Variants in EYS observed in about 807,000 individuals in gnomAD.
EYS encodes the protein protein eyes shut homolog.
In EYS, 250 loss-of-function variants were observed where a neutral mutation model predicts 282.1. The ratio of observed to expected loss-of-function variants is 0.89; its 90% CI spans 0.80 to 0.98. The LOEUF is 0.98. EYS is among the 50% of genes least tolerant of loss of function. The pLI is 0.00. For synonymous variants in EYS, 1,355 were observed against 1,282.9 expected (o/e 1.06, Z -1.20); for missense variants, 4,016 against 3,709.0 (o/e 1.08, Z -2.15).
chr6:63,779,484 A>G (rs1770154276), intron 39 of EYS: 1 of 151,702 alleles, frequency 6.6e-6, no homozygotes, highest in South Asian at 2.1e-4. Flanking sequence ...AACAAAAATA[A>G]CTTTTCTACC....
chr6:64,279,259 T>G (rs1057084842), intron 30 of EYS, among the ~76,000 whole-genome samples: 1 of 152,170 alleles, frequency 6.6e-6, no homozygotes, highest in South Asian at 2.1e-4. Context: ...CTGTTTTTAC[T>G]CAGCAAAAAG....
At chr6:65,408,004 G>T (rs1357581656) in intron 5 of EYS, among the ~76,000 whole-genome samples, 9 of 151,902 alleles carry the variant, frequency 5.9e-5, no homozygotes. Context: ...ATGAATAGGT[G>T]TTAGATTTTG....
At chr6:64,290,765 T>C (rs940705323) in intron 30 of EYS, among the ~76,000 whole-genome samples, 39 of 151,778 alleles carry the variant, frequency 2.6e-4, no homozygotes, top group Non-Finnish European at 5.0e-4. Flanking sequence ...AATTTATTTC[T>C]CTTCATACTT....
intron 26 of EYS, among the ~76,000 whole-genome samples, chr6:64,549,886 C>G (rs1360110040): frequency 6.6e-6 from 1 of 152,184 alleles, no homozygotes; most frequent in East Asian, 1.9e-4. Flanking sequence ...TCCCTCCCTC[C>G]TCCCCCTACC....
At chr6:65,494,017 A>G (rs536845721) in intron 4 of EYS, among the ~76,000 whole-genome samples, 2 of 152,186 alleles carry the variant, frequency 1.3e-5, no homozygotes, top group Non-Finnish European at 2.9e-5. Flanking sequence ...TTGGGAATTC[A>G]TTCAGTGACT....
chr6:65,589,887 A>G (rs185000085), intron 2 of EYS, among the ~76,000 whole-genome samples: 1 of 152,026 alleles, frequency 6.6e-6, no homozygotes, highest in Non-Finnish European at 1.5e-5. Flanking sequence ...TTAATGTGTT[A>G]CTTCTGAAAT....
Position 65,308,045 on chromosome 6 carries a change from T to C in EYS, c.1767-11926A>G, listed in dbSNP as rs1248307164. 5.7e-5 allele frequency among the ~76,000 whole-genome samples: 8 copies of C among 141,490 alleles called. No individual in the cohort carries two copies. In the East Asian group the frequency reaches 1.7e-3, roughly 30 times the overall value. 92.8% of individuals were successfully genotyped at this position (141,490 alleles called of 152,430 possible). On this transcript the variant is annotated intron_variant, in intron 11 of 42. Transcript: ENST00000503581. ...TGGAGTGCAGTGGTGTGATCTCAGC[T>C]CACTGCAGCCTCCACCTCCCGGGTT... is the stretch of plus-strand genomic sequence containing the variant.
chr6:64,472,111 AC>A (rs781337761), intron 26 of EYS, among the ~76,000 whole-genome samples: 1 of 152,226 alleles, frequency 6.6e-6, no homozygotes, highest in Non-Finnish European at 1.5e-5. Flanking sequence ...GGATTACTAC[AC>A]AAAAATGTAC....
chr6:64,928,255 T>C (rs972119758), intron 15 of EYS, among the ~76,000 whole-genome samples: 4 of 151,992 alleles, frequency 2.6e-5, no homozygotes, highest in Admixed American at 6.6e-5. Flanking sequence ...CTTAATTATA[T>C]CATTTTTTTA....
chr6:64,295,511 AAAGAAGAAAGAAGAAAG>A (rs1384501493), intron 30 of EYS, among the ~76,000 whole-genome samples: 8 of 28,786 alleles, frequency 2.8e-4, no homozygotes, highest in African/African-American at 1.4e-3. Context: ...AAGAAAGAAG[AAAGAAGAAAGAAGAAAG>A]AAGAAGAAAG....
At chr6:65,042,766 TC>T (rs768421115) in intron 13 of EYS, among the ~76,000 whole-genome samples, 3 of 151,584 alleles carry the variant, frequency 2.0e-5, no homozygotes, top group East Asian at 1.9e-4. Context: ...TTCAAAGACT[TC>T]ATGTCTTTCT....
chr6:64,430,536 G>GCAC (rs1774542691), intron 28 of EYS, among the ~76,000 whole-genome samples: 1 of 152,086 alleles, frequency 6.6e-6, no homozygotes, highest in African/African-American at 2.4e-5. Flanking sequence ...AGAAATATGA[G>GCAC]CACTTTGGTT....
At chr6:64,521,661 G>T (rs1777741914) in intron 26 of EYS, among the ~76,000 whole-genome samples, 1 of 151,734 alleles carries the variant, frequency 6.6e-6, no homozygotes, top group African/African-American at 2.4e-5. Flanking sequence ...CTTGAAAAGG[G>T]TGACAATGAT....
chr6:65,062,849 C>A (rs1773619179), intron 12 of EYS, among the ~76,000 whole-genome samples: 2 of 151,906 alleles, frequency 1.3e-5, no homozygotes, highest in African/African-American at 4.8e-5. Flanking sequence ...TTTTACTTTG[C>A]TTTATAAAAC....
At chr6:65,062,174 A>C (rs1226173621) in intron 12 of EYS, among the ~76,000 whole-genome samples, 1 of 151,950 alleles carries the variant, frequency 6.6e-6, no homozygotes, top group Non-Finnish European at 1.5e-5. Flanking sequence ...GCCTAATTAA[A>C]TATTAGTTGA....
At chr6:65,301,117 G>A (rs139744744) in intron 11 of EYS, among the ~76,000 whole-genome samples, 1 of 152,280 alleles carries the variant, frequency 6.6e-6, no homozygotes, top group African/African-American at 2.4e-5. Context: ...TACCAACTTA[G>A]TTTGGTGGTT....
At chr6:65,598,067 T>A (rs1295315938) in intron 2 of EYS, among the ~76,000 whole-genome samples, 1 of 151,902 alleles carries the variant, frequency 6.6e-6, no homozygotes, top group Non-Finnish European at 1.5e-5. Flanking sequence ...GCCACTGCAC[T>A]CTAAACCTGG....
At chr6:65,442,309 T>C (rs1054529864) in intron 5 of EYS, among the ~76,000 whole-genome samples, 2 of 152,058 alleles carry the variant, frequency 1.3e-5, no homozygotes, top group African/African-American at 4.8e-5. Flanking sequence ...TGATTTTGAT[T>C]ATTGGGTTTG....
intron 13 of EYS, among the ~76,000 whole-genome samples, chr6:64,998,117 C>G (rs928391938): frequency 5.9e-5 from 9 of 152,092 alleles, no homozygotes; most frequent in African/African-American, 2.2e-4. Flanking sequence ...TGTTAAAGTT[C>G]TATGTATGAC....
Sources: gnomAD v4.1 joint callset for allele counts (sites outside exome capture counted in the v4.1 genomes callset) on GRCh38, gnomAD v4.1.1 for gene constraint, MANE v1.5 for transcripts, NCBI Gene and HGNC (gene_info 2026-07-23, HGNC 2026-07-21) for gene names.